Variants in NEDD4L observed in about 807,000 individuals in gnomAD.
NEDD4L encodes NEDD4 like E3 ubiquitin protein ligase, also known as E3 ubiquitin-protein ligase NEDD4-like.
NEDD4L carries 54 observed loss-of-function variants against 148.9 expected under a neutral mutation model. That is an observed-to-expected ratio of 0.36 (90% CI 0.29 to 0.45). The LOEUF (loss-of-function observed/expected upper bound fraction) is 0.45. Ranked by LOEUF, NEDD4L falls within the 20% of genes least tolerant of loss-of-function variation. NEDD4L has a pLI of 1.00. For synonymous variants in NEDD4L, 433 were observed against 440.7 expected, an observed-to-expected ratio of 0.98 and a Z score of 0.22; for missense variants, 856 against 1,233.8, an observed-to-expected ratio of 0.69 and a Z score of 4.59.
At chr18:58,298,714 T>C (rs1462974592) in intron 5 of NEDD4L, among the ~76,000 whole-genome samples, 1 of 152,218 alleles carries the variant, frequency 6.6e-6, no homozygotes, top group Non-Finnish European at 1.5e-5. Flanking sequence ...GTTCATTCCA[T>C]TGAGCACATG....
At chr18:58,362,059 A>G (rs1013186876) in intron 19 of NEDD4L, among the ~76,000 whole-genome samples, 5 of 152,162 alleles carry the variant, frequency 3.3e-5, no homozygotes, top group Non-Finnish European at 4.4e-5. Context: ...GAAGACAGTG[A>G]TTTTTCAGCT....
chr18:58,182,078 C>T (rs925562978), intron 2 of NEDD4L, among the ~76,000 whole-genome samples: 13 of 152,076 alleles, frequency 8.5e-5, no homozygotes, highest in African/African-American at 3.1e-4. Context: ...GTGATTTTCT[C>T]TCTGGATGCT....
chr18:58,325,737 A>G (rs2059258609), intron 9 of NEDD4L, among the ~76,000 whole-genome samples: 1 of 152,244 alleles, frequency 6.6e-6, no homozygotes, highest in African/African-American at 2.4e-5. Flanking sequence ...TCAGGGATGC[A>G]GTAAACCAAT....
At chr18:58,351,503 G>A (rs1327105435) in intron 18 of NEDD4L, among the ~76,000 whole-genome samples, 1 of 152,202 alleles carries the variant, frequency 6.6e-6, no homozygotes, top group African/African-American at 2.4e-5. Flanking sequence ...TTCACGGCAT[G>A]TTTCCTTGCA....
At chr18:58,192,596 A>G (rs560437293) in intron 2 of NEDD4L, among the ~76,000 whole-genome samples, 1 of 152,174 alleles carries the variant, frequency 6.6e-6, no homozygotes, top group Non-Finnish European at 1.5e-5. Context: ...AGCTGTCTTG[A>G]CATGCTTTTC....
intron 1 of NEDD4L, among the ~76,000 whole-genome samples, chr18:58,159,593 G>A (rs553461834): frequency 7.9e-5 from 12 of 152,298 alleles, no homozygotes; most frequent in African/African-American, 2.9e-4. Flanking sequence ...CCTGTCTCAG[G>A]ACTGGGGCAA....
At chr18:58,077,720 A>G (rs1012221716) in intron 1 of NEDD4L, among the ~76,000 whole-genome samples, 2 of 152,204 alleles carry the variant, frequency 1.3e-5, no homozygotes, top group Non-Finnish European at 2.9e-5. Flanking sequence ...CGATTACTTC[A>G]TAGCTAATCC....
At chr18:58,329,362 T>C (rs1040911808) in intron 10 of NEDD4L, among the ~76,000 whole-genome samples, 2 of 152,170 alleles carry the variant, frequency 1.3e-5, no homozygotes, top group Admixed American at 1.3e-4. Context: ...TATTTTTATT[T>C]TTATTTTTTT....
chr18:58,389,060 T>C, intron 27 of NEDD4L, 25 bp from the exon 28 acceptor site: 2 of 1,593,914 alleles, frequency 1.3e-6, no homozygotes, highest in Non-Finnish European at 1.7e-6. Flanking sequence ...ATCCTGCTTT[T>C]ACATCTGGTA....
chr18:58,281,259 T>TAAG (rs993165338), intron 5 of NEDD4L, among the ~76,000 whole-genome samples: 1 of 151,670 alleles, frequency 6.6e-6, no homozygotes, highest in African/African-American at 2.4e-5. Flanking sequence ...ATTACAAGTG[T>TAAG]AAGCTGCTGT....
chr18:58,330,582 G>A (rs1197739856), intron 10 of NEDD4L, among the ~76,000 whole-genome samples, 156 bp from the exon 11 acceptor site: 5 of 152,278 alleles, frequency 3.3e-5, no homozygotes, highest in East Asian at 3.9e-4. Flanking sequence ...TATCTTCCTC[G>A]TGATTATTGT....
intron 2 of NEDD4L, among the ~76,000 whole-genome samples, chr18:58,183,541 C>T (rs903274978): frequency 2.8e-4 from 43 of 152,306 alleles, no homozygotes; most frequent in African/African-American, 1.0e-3. Flanking sequence ...TTCACCTGGG[C>T]TCTGAGCCAG....
intron 1 of NEDD4L, among the ~76,000 whole-genome samples, chr18:58,083,223 T>G (rs2145152640): frequency 6.6e-6 from 1 of 152,324 alleles, no homozygotes; most frequent in Non-Finnish European, 1.5e-5. Flanking sequence ...CTGCAGTGGT[T>G]CACAGTAACA....
intron 2 of NEDD4L, among the ~76,000 whole-genome samples, chr18:58,240,648 T>C (rs1453421663): frequency 1.3e-5 from 2 of 152,164 alleles, no homozygotes; most frequent in Admixed American, 1.3e-4. Flanking sequence ...AGTCAGTCCT[T>C]TCTGATTTTT....
At chr18:58,217,673 C>T (rs1013303686) in intron 2 of NEDD4L, among the ~76,000 whole-genome samples, 14 of 151,834 alleles carry the variant, frequency 9.2e-5, no homozygotes, top group Non-Finnish European at 1.0e-4. Flanking sequence ...CTTTTTTTTC[C>T]GACTGTAACA....
chr18:58,273,414 G>T (rs1011291689), intron 5 of NEDD4L, among the ~76,000 whole-genome samples: 1 of 152,078 alleles, frequency 6.6e-6, no homozygotes. Context: ...TCTCTCTCTC[G>T]TTGTTACTCT....
intron 1 of NEDD4L, among the ~76,000 whole-genome samples, chr18:58,095,165 C>T (rs1020907325): frequency 4.6e-5 from 7 of 152,198 alleles, no homozygotes; most frequent in African/African-American, 1.4e-4. Context: ...CAACTCACTC[C>T]GATGTCACTC....
intron 2 of NEDD4L, among the ~76,000 whole-genome samples, chr18:58,214,730 A>C (rs1306750599): frequency 6.9e-6 from 1 of 145,664 alleles, no homozygotes; most frequent in Non-Finnish European, 1.5e-5. Flanking sequence ...TAATTAATAG[A>C]TCTAGGATGT....
At chr18:58,296,263 C>G (rs2055555832) in intron 5 of NEDD4L, among the ~76,000 whole-genome samples, 1 of 152,172 alleles carries the variant, frequency 6.6e-6, no homozygotes, top group Non-Finnish European at 1.5e-5. Context: ...CCTGGTTGAT[C>G]TAGGGACAAG....
Sources: allele counts gnomAD v4.1 joint callset (sites outside exome capture counted in the v4.1 genomes callset), GRCh38; gene constraint gnomAD v4.1.1; transcripts MANE v1.5; gene names NCBI Gene and HGNC (gene_info 2026-07-23, HGNC 2026-07-21).